Variants in SF3A3 observed in about 807,000 individuals in gnomAD.
The protein encoded by SF3A3 is SAP 61.
SF3A3 carries 9 observed loss-of-function variants against 85.8 expected under a neutral mutation model. The ratio of observed to expected loss-of-function variants is 0.10; its 90% CI spans 0.06 to 0.18. The LOEUF (loss-of-function observed/expected upper bound fraction) is 0.18, where lower values mean the gene tolerates loss of function less well. Ranked by LOEUF, SF3A3 falls within the 10% of genes least tolerant of loss-of-function variation. The pLI is 1.00. For synonymous variants in SF3A3, 195 were observed against 204.4 expected (o/e 0.95, Z 0.39); for missense variants, 306 against 593.3 (o/e 0.52, Z 5.03).
rs540656999 is a variant in SF3A3, at chr1:37,969,317, C to T, written c.1281+37G>A. ...TTTCTCTAAAAGTCTCATGTTTTTA[C>T]TTCAATTCCCAGGAAAAATGGCTCT... On this transcript the variant is annotated intron_variant, in intron 14 of 16. Transcript: ENST00000373019. 43 of 1,483,052 alleles carry T rather than the reference C, an allele frequency of 2.9e-5. 4 individuals carry two copies. The South Asian group carries it at 3.7e-4, about 13-fold the overall frequency. 91.9% of individuals were successfully genotyped at this position (1,483,052 alleles called of 1,614,324 possible).
At chr1:37,966,971 T>C (rs1646305383) in intron 15 of SF3A3, among the ~76,000 whole-genome samples, 1 of 125,732 alleles carries the variant, frequency 8.0e-6, no homozygotes, top group Admixed American at 8.3e-5. Flanking sequence ...ATGCAATAAT[T>C]AGGCGCGGTG....
intron 15 of SF3A3, among the ~76,000 whole-genome samples, chr1:37,965,319 A>G (rs1646291610): frequency 7.2e-6 from 1 of 138,156 alleles, no homozygotes; most frequent in Admixed American, 7.4e-5. Context: ...AAAAAAAAAA[A>G]GAAAATAAAC....
chr1:37,989,974 A>T lies in SF3A3; in HGVS notation c.-9T>A. ...TCCAGTATTGTCTCCATCTTCCCTT[A>T]GTCGCGGCTTCTCAATTCAGACCAC... On this transcript the variant is annotated 5_prime_UTR_variant, in exon 1 of 17. Transcript: ENST00000373019. 6.2e-7 allele frequency: 1 copy of T among 1,604,842 alleles called. No homozygotes were observed. The highest frequency in any genetic ancestry group is 8.5e-7 in the Non-Finnish European group (1 of 1,175,844).
chr1:37,974,249 T>A (rs531290931), intron 12 of SF3A3, among the ~76,000 whole-genome samples: 51 of 150,046 alleles, frequency 3.4e-4, no homozygotes, highest in Non-Finnish European at 5.2e-4. Flanking sequence ...AAAAAAAAAA[T>A]ATTTCCTTAA....
Position 37,969,481 on chromosome 1 carries a change from C to T in SF3A3, c.1171-17G>A. 1 of 1,612,656 alleles carries T rather than the reference C, an allele frequency of 6.2e-7. No homozygotes were observed. The highest frequency in any genetic ancestry group is 8.5e-7 in the Non-Finnish European group (1 of 1,178,766). On this transcript the variant is annotated splice_polypyrimidine_tract_variant and intron_variant, in intron 13 of 16. Coordinates refer to ENST00000373019, the MANE Select transcript of SF3A3 (RefSeq NM_006802.4). ...GGGAATAGGCTAAAAAAGAAAAAAA[C>T]AAAACAAAACCAAGAAGTGTTAGCC...
chr1:37,966,014 A>C (rs182473974), intron 15 of SF3A3, among the ~76,000 whole-genome samples: 61 of 152,168 alleles, frequency 4.0e-4, no homozygotes, highest in African/African-American at 1.1e-3. Context: ...CAGCCTGGCC[A>C]ACATGCTAAA....
rs904768811 is a variant in SF3A3, at chr1:37,989,973, T to C, written c.-8A>G. On this transcript the variant is annotated 5_prime_UTR_variant, in exon 1 of 17. Transcript: ENST00000373019. ...CTCCAGTATTGTCTCCATCTTCCCT[T>C]AGTCGCGGCTTCTCAATTCAGACCA... 8 of 1,604,508 alleles carry C rather than the reference T, an allele frequency of 5.0e-6. No individual in the cohort carries two copies. The highest frequency in any genetic ancestry group is 2.2e-5 in the East Asian group (1 of 44,856).
At position 37,969,217 on chromosome 1, in the gene SF3A3, T is replaced by C. The variant is rs1398430317; in HGVS notation, c.1281+137A>G. ...GTGCCAAAAGTCAAATGCCATGGGCTTGATTTTAAAACCATCCTTCTCTGA... is the reference window on the plus strand; with the variant it reads ...GTGCCAAAAGTCAAATGCCATGGGCCTGATTTTAAAACCATCCTTCTCTGA... On this transcript the variant is annotated intron_variant, in intron 14 of 16. Coordinates refer to ENST00000373019, the MANE Select transcript of SF3A3 (RefSeq NM_006802.4). 1.8e-5 allele frequency: 12 copies of C among 653,748 alleles called. No homozygotes were observed. The Admixed American group carries it at 3.1e-4, about 17-fold the overall frequency. 40.5% of individuals were successfully genotyped at this position (653,748 alleles called of 1,614,324 possible).
intron 12 of SF3A3, 44 bp from the exon 13 acceptor site, chr1:37,969,779 G>C (rs1203957747): frequency 3.8e-6 from 6 of 1,591,934 alleles, no homozygotes; most frequent in Admixed American, 1.7e-5. Context: ...AAGTAGTGCA[G>C]AATAAGAAGG....
intron 6 of SF3A3, among the ~76,000 whole-genome samples, chr1:37,983,817 T>C (rs530870659): frequency 2.0e-5 from 3 of 151,690 alleles, no homozygotes; most frequent in African/African-American, 7.3e-5. Context: ...TATGCACCTG[T>C]AGCCTCAAAT....
In SF3A3 at chr1:37,976,316, TTC is replaced by T. The variant is rs546779410; in HGVS notation, c.1005+566_1005+567del. ...TTTTCCTCCTACTCCTCTCCCTGCT[TTC>T]TCTCTGAGACAAGCATACTGGTCAG... is the stretch of plus-strand genomic sequence containing the variant. On this transcript the variant is annotated intron_variant, in intron 12 of 16. Transcript: ENST00000373019. 3.2e-4 allele frequency among the ~76,000 whole-genome samples: 49 copies of T among 152,228 alleles called. 1 individual carries two copies. The South Asian group carries it at 4.1e-3, about 13-fold the overall frequency.
At chr1:37,979,207 A>C (rs1335751543) in intron 9 of SF3A3, 152 bp from the exon 10 acceptor site, 2 of 664,852 alleles carry the variant, frequency 3.0e-6, no homozygotes, top group Non-Finnish European at 5.3e-6. Flanking sequence ...CAGAGGACTG[A>C]ATCTATAGTT....
intron 11 of SF3A3, 54 bp from the exon 12 acceptor site, chr1:37,977,007 G>C (rs1646383658): frequency 4.8e-6 from 6 of 1,257,746 alleles, no homozygotes; most frequent in South Asian, 2.4e-5. Context: ...CCATTGTTTT[G>C]TTCCCTATAT....
At chr1:37,958,305 A>C in intron 16 of SF3A3, 42 bp from the exon 17 acceptor site, 1 of 1,424,676 alleles carries the variant, frequency 7.0e-7, no homozygotes, top group Non-Finnish European at 9.9e-7. Context: ...GCTCTCCTAA[A>C]AGAAATGTTT....
intron 4 of SF3A3, among the ~76,000 whole-genome samples, 156 bp from the exon 5 acceptor site, chr1:37,984,935 G>A (rs1028044289): frequency 2.6e-5 from 4 of 152,194 alleles, no homozygotes; most frequent in African/African-American, 9.7e-5. Flanking sequence ...GGCCACCCGA[G>A]TAGCTGGGAT....
chr1:37,980,841 C>CTTTTTTTTTTTT (rs760972269), intron 7 of SF3A3, 117 bp from the exon 8 acceptor site: 2 of 92,320 alleles, frequency 2.2e-5, no homozygotes, highest in Non-Finnish European at 3.5e-5. Flanking sequence ...TTTTAATACT[C>CTTTTTTTTTTTT]TTTTTTTTTT....
At chr1:37,977,472 G>A (rs542225733) in intron 11 of SF3A3, among the ~76,000 whole-genome samples, 1 of 152,278 alleles carries the variant, frequency 6.6e-6, no homozygotes, top group South Asian at 2.1e-4. Context: ...GGAGGCTGAG[G>A]CTGGCGATCA....
At chr1:37,968,217 C>G in intron 14 of SF3A3, 83 bp from the exon 15 acceptor site, 1 of 813,060 alleles carries the variant, frequency 1.2e-6, no homozygotes, top group Non-Finnish European at 2.2e-6. Flanking sequence ...CTCATAAATC[C>G]TAACATGGCC....
At chr1:37,977,531 C>T (rs1487264865) in intron 11 of SF3A3, among the ~76,000 whole-genome samples, 1 of 151,852 alleles carries the variant, frequency 6.6e-6, no homozygotes, top group African/African-American at 2.4e-5. Context: ...GTGAAACCCT[C>T]TCTCTACTAA....
Sources: allele counts gnomAD v4.1 joint callset (sites outside exome capture counted in the v4.1 genomes callset), GRCh38; gene constraint gnomAD v4.1.1; transcripts MANE v1.5; gene names NCBI Gene and HGNC (gene_info 2026-07-23, HGNC 2026-07-21).